The following TP53INP2 variants were observed in gnomAD, a reference collection of about 807,000 sequenced individuals.
The protein encoded by TP53INP2 is tumor protein p53 inducible nuclear protein 2, also known as tumor protein p53-inducible nuclear protein 2.
A neutral mutation model predicts 17.1 loss-of-function variants in TP53INP2; 12 were observed. The observed-to-expected ratio is 0.70, with a 90% CI of 0.45 to 1.14. The LOEUF (loss-of-function observed/expected upper bound fraction) is 1.14. Among genes scored for constraint, TP53INP2 ranks in the 50% most tolerant of loss-of-function variants. The pLI, the probability that TP53INP2 is intolerant of heterozygous loss-of-function variation, is 0.00. For synonymous variants in TP53INP2, 145 were observed against 147.3 expected, an observed-to-expected ratio of 0.98 and a Z score of 0.12; for missense variants, 342 against 330.9, an observed-to-expected ratio of 1.03 and a Z score of -0.26.
chr20:34,708,309 T>G (rs1284523169), intron 2 of TP53INP2, among the ~76,000 whole-genome samples: 1 of 152,226 alleles, frequency 6.6e-6, no homozygotes, highest in African/African-American at 2.4e-5. Flanking sequence ...GCTCATTTAA[T>G]TCTTCCTCCT....
At position 34,709,645 on chromosome 20, in the gene TP53INP2, C is replaced by T; in HGVS notation, c.413+121C>T. The T allele has an allele frequency of 2.8e-6, 4 of 1,439,922 alleles. No homozygotes were observed. Among genetic ancestry groups the T allele is most frequent in the Non-Finnish European group, 3.6e-6 (4 of 1,103,570 alleles). The allele number at this position is 1,439,922 out of a possible 1,614,324, so 89.2% of individuals were successfully genotyped here. On this transcript the variant is annotated intron_variant, in intron 4 of 4. Transcript: ENST00000374810. The surrounding 1 kb of genome is among the most constrained non-coding windows in gnomAD (Gnocchi z 5.4). ...CGCCCCGCGCTCGAGGGGGTAGCGG[C>T]CTTGGGAGGGTTGCCTTTGAGACAA... is the stretch of plus-strand genomic sequence containing the variant.
rs746346369 is a variant in TP53INP2 at position 34,708,722 on chromosome 20, G to A, written c.-18G>A. 1.9e-6 allele frequency: 3 copies of A among 1,563,622 alleles called. No homozygotes were observed. The highest frequency in any genetic ancestry group is 1.7e-6 in the Non-Finnish European group (2 of 1,156,114). ...GCACTGCCATAGGGCGCCCCCGTGA[G>A]GCGCTTCGCCCCCCACCATGTTCCA... On this transcript the variant is annotated 5_prime_UTR_variant, in exon 3 of 5. Transcript: ENST00000374810.
At position 34,709,598 on chromosome 20, in the gene TP53INP2, T is replaced by C; in HGVS notation, c.413+74T>C. Reference sequence around the variant, plus strand: ...GAGGCCAGGGTCCAGGCTAGGAGGCTGGGGTAGTGGGGCCAGGAGCCCGCC... The same window carrying C: ...GAGGCCAGGGTCCAGGCTAGGAGGCCGGGGTAGTGGGGCCAGGAGCCCGCC... On this transcript the variant is annotated intron_variant, in intron 4 of 4. Coordinates refer to ENST00000374810, the MANE Select transcript of TP53INP2 (RefSeq NM_021202.3). This position sits in a 1 kb window ranked among gnomAD's most constrained non-coding sequence, Gnocchi z 5.4. 1 of 1,483,704 alleles carries C rather than the reference T, an allele frequency of 6.7e-7. No homozygotes were observed. Among genetic ancestry groups the C allele is most frequent in the South Asian group, 1.3e-5 (1 of 75,034 alleles). 91.9% of individuals were successfully genotyped at this position (1,483,704 alleles called of 1,614,324 possible).
Position 34,711,212 on chromosome 20 carries a change from T to C in TP53INP2, c.*905T>C, listed in dbSNP as rs2035659998. ...GGGCTTAGTTAGTACCTTGCCACTC[T>C]ACCCCCAACACGTCACCCGAGTAGA... On this transcript the variant is annotated 3_prime_UTR_variant, in exon 5 of 5. Transcript: ENST00000374810. The surrounding 1 kb of genome is among the most constrained non-coding windows in gnomAD (Gnocchi z 4.1). 1 of 152,676 alleles carries C rather than the reference T, an allele frequency of 6.5e-6. No individual in the cohort carries two copies. Among genetic ancestry groups the C allele is most frequent in the Non-Finnish European group, 1.5e-5 (1 of 68,090 alleles). 9.5% of individuals were successfully genotyped at this position (152,676 alleles called of 1,614,324 possible).
In TP53INP2 at chr20:34,709,311, T is replaced by C; in HGVS notation, c.200T>C (p.Met67Thr). Residue 67 changes from methionine to threonine, a missense_variant, in exon 4 of 5, where the codon ATG (methionine) becomes ACG (threonine). Transcript: ENST00000374810. The surrounding 1 kb of genome is among the most constrained non-coding windows in gnomAD (Gnocchi z 5.4). Reference protein sequence around the residue: ...AGRPPPAPSLMDESWFVTPPA... With the variant: ...AGRPPPAPSLTDESWFVTPPA... ...CGCCCTCCGCCCGCGCCCTCCTTGA[T>C]GGACGAGAGCTGGTTTGTTACCCCT... 6.2e-7 allele frequency: 1 copy of C among 1,612,882 alleles called. No individual in the cohort carries two copies. Among genetic ancestry groups the C allele is most frequent in the Non-Finnish European group, 8.5e-7 (1 of 1,179,628 alleles).
intron 2 of TP53INP2, among the ~76,000 whole-genome samples, chr20:34,705,746 C>G (rs1307646642): frequency 6.6e-6 from 1 of 152,108 alleles, no homozygotes; most frequent in Non-Finnish European, 1.5e-5. Flanking sequence ...TCCATTCCTG[C>G]TGGGAGTTTG....
At chr20:34,708,987 C>T in intron 3 of TP53INP2, 124 bp downstream of exon 3, 2 of 1,455,652 alleles carry the variant, frequency 1.4e-6, no homozygotes, top group South Asian at 1.4e-5. Context: ...GGTGGGGTCA[C>T]GGGGCCCCTT....
rs45458901 is a variant in TP53INP2, at chr20:34,713,175, C to T, written c.*2868C>T. The T allele has an allele frequency of 4.4e-4, 67 of 152,796 alleles. No homozygotes were observed. Among genetic ancestry groups the T allele is most frequent in the East Asian group, 1.2e-3 (6 of 5,190 alleles). 9.5% of individuals were successfully genotyped at this position (152,796 alleles called of 1,614,324 possible). On this transcript the variant is annotated 3_prime_UTR_variant, in exon 5 of 5. Coordinates refer to ENST00000374810, the MANE Select transcript of TP53INP2 (RefSeq NM_021202.3). ...AGCCCCCTTCTACTACTTTCCCTCT[C>T]GCCCTGCCACCTAGTTCCACATGGA...
At chr20:34,705,644 CA>C (rs1987990912) in intron 2 of TP53INP2, among the ~76,000 whole-genome samples, 170 bp downstream of exon 2, 1 of 152,152 alleles carries the variant, frequency 6.6e-6, no homozygotes, top group South Asian at 2.1e-4. Flanking sequence ...GCTCCCTCGT[CA>C]CCTCTGCCCA....
chr20:34,709,287 G>A lies in TP53INP2; in HGVS notation c.176G>A (p.Arg59His). The change falls in exon 4 of 5, where the codon CGC becomes CAC. Residue 59 changes from arginine (R) to histidine (H), a missense_variant. Physicochemically the swap from Arg to His is conservative, Grantham distance 29 (BLOSUM62 0). Coordinates refer to ENST00000374810, the MANE Select transcript of TP53INP2 (RefSeq NM_021202.3). This position sits in a 1 kb window ranked among gnomAD's most constrained non-coding sequence, Gnocchi z 5.4. ...GGGGCCGCCCCTGCCCCCGCGGGCCGCCCTCCGCCCGCGCCCTCCTTGATG... is the reference window on the plus strand; with the variant it reads ...GGGGCCGCCCCTGCCCCCGCGGGCCACCCTCCGCCCGCGCCCTCCTTGATG... ...SPGAAPAPAG[R>H]PPPAPSLMDE... 1 of 1,607,018 alleles carries A rather than the reference G, an allele frequency of 6.2e-7. No individual in the cohort carries two copies. The highest frequency in any genetic ancestry group is 8.5e-7 in the Non-Finnish European group (1 of 1,176,836).
At position 34,708,735 on chromosome 20, in the gene TP53INP2, C is replaced by A; in HGVS notation, c.-5C>A. ...GCGCCCCCGTGAGGCGCTTCGCCCC[C>A]CACCATGTTCCAGCGCCTCTCCAGC... On this transcript the variant is annotated 5_prime_UTR_variant, in exon 3 of 5. Coordinates refer to ENST00000374810, the MANE Select transcript of TP53INP2 (RefSeq NM_021202.3). The A allele has an allele frequency of 6.4e-7, 1 of 1,574,168 alleles. No homozygotes were observed.
intron 2 of TP53INP2, among the ~76,000 whole-genome samples, chr20:34,708,448 C>G (rs561472040): frequency 2.6e-5 from 4 of 152,010 alleles, no homozygotes; most frequent in Admixed American, 2.0e-4. Flanking sequence ...TTATCATTGT[C>G]TTTTGACAGA....
Position 34,708,859 on chromosome 20 carries a change from G to A in TP53INP2, c.120G>A (p.Leu40=). ...TGGACGGCTGGCTCATCATTGACCT[G>A]CCGGGTGAGGCCTGGGTCTGTCTCC... ...DEVDGWLIID[L]PDSYAAPPSP... is the part of the protein sequence containing the mutation. The change falls in exon 3 of 5, where the codon CTG becomes CTA. Residue 40 remains leucine, a synonymous_variant. Transcript: ENST00000374810. 3.1e-6 allele frequency: 5 copies of A among 1,613,172 alleles called. No individual in the cohort carries two copies. The highest frequency in any genetic ancestry group is 4.2e-6 in the Non-Finnish European group (5 of 1,179,498).
Position 34,712,712 on chromosome 20 carries a change from T to C in TP53INP2, c.*2405T>C, listed in dbSNP as rs574545865. Reference sequence around the variant, plus strand: ...GAGGGAACCAGAGTTCAAAGTCCTATGCAACCTTAGGAGGGGGTTAGAGAG... The same window carrying C: ...GAGGGAACCAGAGTTCAAAGTCCTACGCAACCTTAGGAGGGGGTTAGAGAG... On this transcript the variant is annotated 3_prime_UTR_variant, in exon 5 of 5. Coordinates refer to ENST00000374810, the MANE Select transcript of TP53INP2 (RefSeq NM_021202.3). 1 of 152,762 alleles carries C rather than the reference T, an allele frequency of 6.5e-6. No homozygotes were observed. Among genetic ancestry groups the C allele is most frequent in the East Asian group, 1.9e-4 (1 of 5,190 alleles). The allele number at this position is 152,762 out of a possible 1,614,324, so 9.5% of individuals were successfully genotyped here. A position where few individuals can be genotyped will look rare whatever the true frequency, so the allele number is the denominator to read the frequency against.
intron 1 of TP53INP2, among the ~76,000 whole-genome samples, chr20:34,705,006 T>TCCAGACTCCGCCC (rs1056489671): frequency 6.6e-6 from 1 of 151,928 alleles, no homozygotes; most frequent in African/African-American, 2.4e-5. Flanking sequence ...TCCCTCCGGC[T>TCCAGACTCCGCCC]CCAGACTCCG....
Position 34,711,188 on chromosome 20 carries a change from G to A in TP53INP2, c.*881G>A, listed in dbSNP as rs1988184180. ...CTTCTGCAGGCCCTGAAATCTGAAG[G>A]GCTTAGTTAGTACCTTGCCACTCTA... On this transcript the variant is annotated 3_prime_UTR_variant, in exon 5 of 5. Coordinates refer to ENST00000374810, the MANE Select transcript of TP53INP2 (RefSeq NM_021202.3). This position sits in a 1 kb window ranked among gnomAD's most constrained non-coding sequence, Gnocchi z 4.1. The A allele has an allele frequency of 6.6e-6, 1 of 152,592 alleles. No homozygotes were observed. The highest frequency in any genetic ancestry group is 2.4e-5 in the African/African-American group (1 of 41,408). 9.5% of individuals were successfully genotyped at this position (152,592 alleles called of 1,614,324 possible). A position where few individuals can be genotyped will look rare whatever the true frequency, so the allele number is the denominator to read the frequency against.
At position 34,709,100 on chromosome 20, in the gene TP53INP2, C is replaced by T. The variant is rs1400192006; in HGVS notation, c.125-136C>T. 46 of 1,435,410 alleles carry T rather than the reference C, an allele frequency of 3.2e-5. No homozygotes were observed. Among genetic ancestry groups the T allele is most frequent in the Non-Finnish European group, 3.9e-5 (43 of 1,097,630 alleles). The allele number at this position is 1,435,410 out of a possible 1,614,324, so 88.9% of individuals were successfully genotyped here. A position where few individuals can be genotyped will look rare whatever the true frequency, so the allele number is the denominator to read the frequency against. ...CGCCTGGCCCGTGGGTGCCCCGGGG[C>T]GCTGCGGACGGGCTGCGGGTCTGAC... On this transcript the variant is annotated intron_variant, in intron 3 of 4. Transcript: ENST00000374810. This position sits in a 1 kb window ranked among gnomAD's most constrained non-coding sequence, Gnocchi z 5.4.
rs193279839 is a variant in TP53INP2 at position 34,711,627 on chromosome 20, A to T, written c.*1320A>T. 6.6e-6 allele frequency: 1 copy of T among 152,330 alleles called. No homozygotes were observed. The highest frequency in any genetic ancestry group is 1.9e-4 in the East Asian group (1 of 5,152). 9.4% of individuals were successfully genotyped at this position (152,330 alleles called of 1,614,324 possible). On this transcript the variant is annotated 3_prime_UTR_variant, in exon 5 of 5. Transcript: ENST00000374810. This position sits in a 1 kb window ranked among gnomAD's most constrained non-coding sequence, Gnocchi z 4.1. The stretch of plus-strand genomic sequence containing the variant: ...GCTGGGGAGAAATGGGTACCCTATG[A>T]TCCCCCTCCCCTTCTCCTCCAGTAA...
rs1411352294 is a variant in TP53INP2, at chr20:34,709,868, A to G, written c.414-190A>G. On this transcript the variant is annotated intron_variant, in intron 4 of 4. Transcript: ENST00000374810. This position sits in a 1 kb window ranked among gnomAD's most constrained non-coding sequence, Gnocchi z 5.4. ...GGGGGTGGGGGTCCAGTCTCCCCCGAGGTCCAGTTTACCTGTTAAGGGCTA... is the reference window on the plus strand; with the variant it reads ...GGGGGTGGGGGTCCAGTCTCCCCCGGGGTCCAGTTTACCTGTTAAGGGCTA... 6.6e-6 allele frequency among the ~76,000 whole-genome samples: 1 copy of G among 152,110 alleles called. No individual in the cohort carries two copies. The highest frequency in any genetic ancestry group is 1.5e-5 in the Non-Finnish European group (1 of 68,014).
Sources: gnomAD v4.1 joint callset for allele counts (sites outside exome capture counted in the v4.1 genomes callset) on GRCh38, gnomAD v4.1.1 for gene constraint, Gnocchi (gnomAD v3.1) non-coding constraint, MANE v1.5 for transcripts, NCBI Gene and HGNC (gene_info 2026-07-23, HGNC 2026-07-21) for gene names.